Variants in CLIC5 observed in about 807,000 individuals in gnomAD.
CLIC5 encodes the protein CLIC family member 5, also known as chloride intracellular channel protein 5.
A neutral mutation model predicts 24.7 loss-of-function variants in CLIC5; 20 were observed. The observed-to-expected ratio is 0.81, with a 90% confidence interval of 0.57 to 1.18. The LOEUF is 1.18. CLIC5 is among the 50% of genes most tolerant of loss of function. The pLI, the probability that CLIC5 is intolerant of heterozygous loss-of-function variation, is 0.00. For missense variants in CLIC5, 341 were observed against 326.1 expected, an observed-to-expected ratio of 1.05 and a Z score of -0.35; for synonymous variants, 159 against 135.6, an observed-to-expected ratio of 1.17 and a Z score of -1.20.
chr6:46,011,702 T>A (rs909476155), intron 1 of CLIC5, among the ~76,000 whole-genome samples: 2 of 152,204 alleles, frequency 1.3e-5, no homozygotes, highest in African/African-American at 4.8e-5. Flanking sequence ...TGCCTTGATC[T>A]AACCTACACA....
chr6:46,062,355 A>C (rs1762308831), intron 1 of CLIC5, among the ~76,000 whole-genome samples: 1 of 152,244 alleles, frequency 6.6e-6, no homozygotes, highest in Admixed American at 6.5e-5. Flanking sequence ...ACCACCTTGC[A>C]TGTTTACTTT....
At chr6:46,099,359 C>T in the CLIC5 span, among the ~76,000 whole-genome samples, 9 of 152,204 alleles carry the variant, frequency 5.9e-5, no homozygotes, top group African/African-American at 1.9e-4. Context: ...AGAGAATCAA[C>T]CTCCCTTGAA....
intron 4 of CLIC5, among the ~76,000 whole-genome samples, chr6:45,936,681 G>C (rs1179301750): frequency 6.6e-6 from 1 of 152,140 alleles, no homozygotes; most frequent in African/African-American, 2.4e-5. Flanking sequence ...GAACTCTAAA[G>C]TAGTTGGCTT....
the CLIC5 span, among the ~76,000 whole-genome samples, chr6:46,118,989 G>C: frequency 1.5e-4 from 23 of 152,276 alleles, no homozygotes; most frequent in African/African-American, 5.3e-4. Flanking sequence ...AATCAGAGAG[G>C]GAGAGATTAG....
exon 1 of CLIC5, chr6:46,079,977 G>T: frequency 6.4e-7 from 1 of 1,551,706 alleles, no homozygotes; most frequent in Non-Finnish European, 8.7e-7. Context: ...CTGGAGTTCA[G>T]AGTATATCTC....
rs367600407 is a variant in CLIC5, at chr6:46,035,752, C to CT, written c.540+43950dup. On this transcript the variant is annotated intron_variant, in intron 1 of 5. Transcript: ENST00000185206. ...GTGGTTTTCTTTTTTCTTTTATTTTCTTTTTTTTTTTAAGATGGATTCTCC... is the reference window on the plus strand; with the variant it reads ...GTGGTTTTCTTTTTTCTTTTATTTTCTTTTTTTTTTTTAAGATGGATTCTCC... Among the ~76,000 whole-genome samples the CT allele has an allele frequency of 6.4e-4, 95 of 147,786 alleles. 1 individual carries two copies. Among genetic ancestry groups the CT allele is most frequent in the Admixed American group, 8.1e-4 (12 of 14,810 alleles).
the CLIC5 span, among the ~76,000 whole-genome samples, chr6:46,112,887 T>C: frequency 1.3e-5 from 2 of 152,118 alleles, no homozygotes; most frequent in East Asian, 1.9e-4. Context: ...TGAAACCCCA[T>C]CTCTACTTAA....
intron 5 of CLIC5, among the ~76,000 whole-genome samples, chr6:45,909,689 T>C (rs970356385): frequency 2.0e-5 from 3 of 152,222 alleles, no homozygotes; most frequent in Non-Finnish European, 2.9e-5. Flanking sequence ...CTGACCTTTT[T>C]CTCTAGCTGC....
At chr6:45,940,686 C>T (rs145382978) in intron 4 of CLIC5, among the ~76,000 whole-genome samples, 1 of 152,328 alleles carries the variant, frequency 6.6e-6, no homozygotes, top group East Asian at 1.9e-4. Context: ...GCCTGTGAGG[C>T]TGTCCTGTCA....
At chr6:46,080,081 A>C in exon 1 of CLIC5, 1 of 1,551,666 alleles carries the variant, frequency 6.4e-7, no homozygotes. Flanking sequence ...AATCATACTC[A>C]TGGGTATTCA....
chr6:46,049,651 A>G (rs1349285647), intron 1 of CLIC5, among the ~76,000 whole-genome samples: 1 of 152,248 alleles, frequency 6.6e-6, no homozygotes, highest in African/African-American at 2.4e-5. Context: ...GGGAATAGGC[A>G]GAACTAACAT....
Position 46,015,704 on chromosome 6 carries a change from C to G in CLIC5, c.-162G>C. On this transcript the variant is annotated 5_prime_UTR_variant, in exon 1 of 6. Transcript: ENST00000339561. Reference sequence around the variant, plus strand: ...TATTCTCCAGCCCGAGCAGCGGGGTCTGAGAGATCAGTGTCCCAGATGCTC... The same window carrying G: ...TATTCTCCAGCCCGAGCAGCGGGGTGTGAGAGATCAGTGTCCCAGATGCTC... 1.6e-6 allele frequency: 2 copies of G among 1,278,292 alleles called. No individual in the cohort carries two copies. The highest frequency in any genetic ancestry group is 2.0e-6 in the Non-Finnish European group (2 of 1,009,852). The allele number at this position is 1,278,292 out of a possible 1,614,324, so 79.2% of individuals were successfully genotyped here.
chr6:46,007,915 C>CTTTTTTTTTTTTTTTCT (rs11411756), intron 1 of CLIC5, among the ~76,000 whole-genome samples: 1 of 139,284 alleles, frequency 7.2e-6, no homozygotes, highest in Non-Finnish European at 1.5e-5. Context: ...TTTTCTTTTT[C>CTTTTTTTTTTTTTTTCT]TTTTTTTTTT....
At chr6:45,897,747 G>C (rs992321697), downstream of CLIC5, among the ~76,000 whole-genome samples, 4 of 152,120 alleles carry the variant, frequency 2.6e-5, no homozygotes, top group Non-Finnish European at 4.4e-5. Context: ...GTGGTGTTGA[G>C]AGTAGGGATT....
At position 46,022,344 on chromosome 6, in the gene CLIC5, A is replaced by G. The variant is rs148914531; in HGVS notation, c.540+57359T>C. Among the ~76,000 whole-genome samples, 1,361 of 152,316 alleles carry G rather than the reference A, an allele frequency of 8.9e-3. 20 individuals carry two copies. Among genetic ancestry groups the G allele is most frequent in the African/African-American group, 0.029 (1,223 of 41,562 alleles). ...CAGTACTCAGTTGAGCCCACTCACT[A>G]TACCCAGAGTAGCAGCTATTTCCAT... On this transcript the variant is annotated intron_variant, in intron 1 of 5. Coordinates refer to the CLIC5 transcript ENST00000185206.
At chr6:45,895,392 T>C (rs761376379), downstream of CLIC5, among the ~76,000 whole-genome samples, 2 of 152,206 alleles carry the variant, frequency 1.3e-5, no homozygotes, top group Non-Finnish European at 2.9e-5. Context: ...TTTTCATTTT[T>C]TCAGCCAGAC....
intron 1 of CLIC5, among the ~76,000 whole-genome samples, chr6:46,062,065 G>A (rs1271626024): frequency 6.6e-6 from 1 of 152,174 alleles, no homozygotes; most frequent in African/African-American, 2.4e-5. Context: ...AGATGTGGCT[G>A]GTGTGACTGA....
At chr6:46,007,438 G>C (rs1317718977) in intron 1 of CLIC5, among the ~76,000 whole-genome samples, 2 of 152,062 alleles carry the variant, frequency 1.3e-5, no homozygotes, top group African/African-American at 2.4e-5. Flanking sequence ...ATTTGCACAG[G>C]CTTCTTCCAA....
chr6:45,977,910 C>T (rs1765438007), intron 1 of CLIC5, among the ~76,000 whole-genome samples: 1 of 152,164 alleles, frequency 6.6e-6, no homozygotes, highest in Non-Finnish European at 1.5e-5. Flanking sequence ...GCAAGGGATG[C>T]CCAGTGGGTT....
Sources: allele counts gnomAD v4.1 joint callset (sites outside exome capture counted in the v4.1 genomes callset), GRCh38; gene constraint gnomAD v4.1.1; transcripts MANE v1.5; gene names NCBI Gene and HGNC (gene_info 2026-07-23, HGNC 2026-07-21).